FARP1: variants seen among roughly 807,000 people sequenced by gnomAD.
FARP1 encodes FERM, ARHGEF and pleckstrin domain-containing protein 1.
A neutral mutation model predicts 128.8 loss-of-function variants in FARP1; 52 were observed. That is an observed-to-expected ratio of 0.40 (90% CI 0.32 to 0.51). The LOEUF (loss-of-function observed/expected upper bound fraction) is 0.51. Ranked by LOEUF, FARP1 falls within the 20% of genes least tolerant of loss-of-function variation. FARP1 has a pLI of 0.45. For missense variants in FARP1, 1,333 were observed against 1,367.9 expected (o/e 0.97, Z 0.40); for synonymous variants, 580 against 551.8 (o/e 1.05, Z -0.72).
At chr13:98,318,962 T>TGG (rs199783992) in intron 2 of FARP1, among the ~76,000 whole-genome samples, 1 of 143,442 alleles carries the variant, frequency 7.0e-6, no homozygotes, top group African/African-American at 2.7e-5. Context: ...TTTTTTTTTT[T>TGG]TTTTTTTGTT....
At position 98,393,187 on chromosome 13, in the gene FARP1, T is replaced by C. The variant is rs686161; in HGVS notation, c.1089-456T>C. ...TTTTCCTCTGAACTTACCGCTTTGA[T>C]AGAGTGAGCGGATGAGTGGTAATTG... On this transcript the variant is annotated intron_variant, in intron 11 of 26. Transcript: ENST00000319562. Among the ~76,000 whole-genome samples the C allele has an allele frequency of 5.0e-3, 766 of 152,312 alleles. 6 individuals are homozygous for C. The highest frequency in any genetic ancestry group is 0.018 in the African/African-American group (730 of 41,568).
intron 1 of FARP1, among the ~76,000 whole-genome samples, chr13:98,188,968 C>T (rs558093301): frequency 6.6e-6 from 1 of 152,302 alleles, no homozygotes; most frequent in South Asian, 2.1e-4. Context: ...TGGTGGCAAA[C>T]CGATAAGGCC....
chr13:98,330,323 A>G (rs1432942270), intron 2 of FARP1, among the ~76,000 whole-genome samples: 1 of 152,148 alleles, frequency 6.6e-6, no homozygotes, highest in Non-Finnish European at 1.5e-5. Flanking sequence ...GGGGAGTGAC[A>G]TGTCTGATTT....
chr13:98,335,965 T>G (rs1171542647), intron 2 of FARP1, among the ~76,000 whole-genome samples: 1 of 152,134 alleles, frequency 6.6e-6, no homozygotes, highest in East Asian at 1.9e-4. Flanking sequence ...CCAAAACGGC[T>G]CTCTGTAACC....
At chr13:98,274,473 T>A (rs1254939338) in intron 2 of FARP1, among the ~76,000 whole-genome samples, 1 of 152,162 alleles carries the variant, frequency 6.6e-6, no homozygotes, top group East Asian at 1.9e-4. Context: ...CTGCAATTAC[T>A]TTTGCACCAA....
intron 2 of FARP1, among the ~76,000 whole-genome samples, chr13:98,333,413 AAGC>A (rs1046677046): frequency 1.4e-5 from 2 of 147,702 alleles, no homozygotes; most frequent in Non-Finnish European, 3.0e-5. Context: ...GTTTGCAAGA[AAGC>A]AGTAGAAATC....
chr13:98,148,872 G>A (rs1454796022), intron 1 of FARP1, among the ~76,000 whole-genome samples: 1 of 151,622 alleles, frequency 6.6e-6, no homozygotes, highest in East Asian at 1.9e-4. Context: ...ACATGTCTAG[G>A]TATTTCTTCT....
chr13:98,351,912 A>G (rs903537743), intron 3 of FARP1, among the ~76,000 whole-genome samples: 1 of 152,158 alleles, frequency 6.6e-6, no homozygotes, highest in Non-Finnish European at 1.5e-5. Context: ...ACCCACCCCC[A>G]ACACTGGGAA....
At chr13:98,443,786 G>T (rs1266225002) in intron 24 of FARP1, among the ~76,000 whole-genome samples, 5 of 152,244 alleles carry the variant, frequency 3.3e-5, no homozygotes. Context: ...TTTTAAGGCT[G>T]GAGTGGCGAG....
intron 1 of FARP1, among the ~76,000 whole-genome samples, chr13:98,179,249 C>T (rs544513726): frequency 1.7e-4 from 26 of 152,236 alleles, no homozygotes; most frequent in Admixed American, 1.0e-3. Context: ...AGGGGTTTGC[C>T]CTTATAAAAC....
At chr13:98,306,363 A>G (rs566538028) in intron 2 of FARP1, among the ~76,000 whole-genome samples, 20 of 152,320 alleles carry the variant, frequency 1.3e-4, no homozygotes, top group African/African-American at 4.1e-4. Context: ...CTTCTGTTGC[A>G]TGCCCCTGTG....
intron 1 of FARP1, among the ~76,000 whole-genome samples, chr13:98,175,178 G>C (rs1877915040): frequency 6.6e-6 from 1 of 152,176 alleles, no homozygotes; most frequent in Non-Finnish European, 1.5e-5. Flanking sequence ...GGAATTCACA[G>C]CCAAAGTTGA....
chr13:98,391,600 T>G (rs535939042), intron 11 of FARP1, among the ~76,000 whole-genome samples: 8 of 152,332 alleles, frequency 5.3e-5, no homozygotes, highest in Admixed American at 3.9e-4. Context: ...ATTATTGTTG[T>G]TGGTGTTATC....
intron 2 of FARP1, among the ~76,000 whole-genome samples, chr13:98,273,657 G>T (rs1373869777): frequency 6.6e-6 from 1 of 152,242 alleles, no homozygotes; most frequent in Non-Finnish European, 1.5e-5. Context: ...TGGGCATTCA[G>T]TAAGCGTTTG....
At chr13:98,320,177 C>G (rs1886927792) in intron 2 of FARP1, among the ~76,000 whole-genome samples, 1 of 152,158 alleles carries the variant, frequency 6.6e-6, no homozygotes, top group Non-Finnish European at 1.5e-5. Flanking sequence ...GATGCCCATT[C>G]TCATACGTGG....
chr13:98,149,863 G>C (rs530834837), intron 1 of FARP1, among the ~76,000 whole-genome samples: 41 of 146,616 alleles, frequency 2.8e-4, no homozygotes, highest in Middle Eastern at 3.8e-3. Context: ...TCAGCCTCCC[G>C]AGTAGCTGGG....
At chr13:98,291,309 TTCC>T (rs1885435971) in intron 2 of FARP1, among the ~76,000 whole-genome samples, 1 of 152,188 alleles carries the variant, frequency 6.6e-6, no homozygotes, top group Non-Finnish European at 1.5e-5. Flanking sequence ...CCGAAAGGCC[TTCC>T]TCCTCATCGT....
At chr13:98,268,642 A>AT (rs1884244388) in intron 2 of FARP1, among the ~76,000 whole-genome samples, 1 of 151,650 alleles carries the variant, frequency 6.6e-6, no homozygotes, top group Non-Finnish European at 1.5e-5. Flanking sequence ...TAATTTTTGT[A>AT]TTTTTAGTAG....
At position 98,383,059 on chromosome 13, in the gene FARP1, G is replaced by A. The variant is rs146448792; in HGVS notation, c.497-1671G>A. On this transcript the variant is annotated intron_variant, in intron 6 of 26. Coordinates refer to ENST00000319562, the MANE Select transcript of FARP1 (RefSeq NM_005766.4). ...CCAGTTAACTAAAATGTTGTTTCAA[G>A]ACTACTCTAGGAACCTCACCCCGTA... Among the ~76,000 whole-genome samples, 50 of 152,310 alleles carry A rather than the reference G, an allele frequency of 3.3e-4. 1 individual carries two copies. Among genetic ancestry groups the A allele is most frequent in the African/African-American group, 1.0e-3 (42 of 41,566 alleles).
Sources: allele counts gnomAD v4.1 joint callset (sites outside exome capture counted in the v4.1 genomes callset), GRCh38; gene constraint gnomAD v4.1.1; transcripts MANE v1.5; gene names NCBI Gene and HGNC (gene_info 2026-07-23, HGNC 2026-07-21).